SSBP2: variants seen among roughly 807,000 people sequenced by gnomAD.
The protein encoded by SSBP2 is single-stranded DNA-binding protein 2.
In SSBP2, 17 loss-of-function variants were observed where a neutral mutation model predicts 61.8. The observed-to-expected ratio is 0.28, with a 90% CI of 0.19 to 0.41. The LOEUF is 0.41. Ranked by LOEUF, SSBP2 falls within the 10% of genes least tolerant of loss-of-function variation. The pLI, the probability that SSBP2 is intolerant of heterozygous loss-of-function variation, is 1.00. For synonymous variants in SSBP2, 139 were observed against 141.3 expected, an observed-to-expected ratio of 0.98 and a Z score of 0.12; for missense variants, 310 against 458.7, an observed-to-expected ratio of 0.68 and a Z score of 2.96.
At chr5:81,471,361 TCTAATA>T (rs1353450085) in intron 8 of SSBP2, among the ~76,000 whole-genome samples, 1 of 151,756 alleles carries the variant, frequency 6.6e-6, no homozygotes, top group Non-Finnish European at 1.5e-5. Flanking sequence ...AGTATTAAAA[TCTAATA>T]CTAATAACAG....
intron 1 of SSBP2, among the ~76,000 whole-genome samples, chr5:81,718,187 G>A (rs762240060): frequency 3.9e-5 from 6 of 152,076 alleles, no homozygotes; most frequent in East Asian, 1.9e-4. Context: ...CACATTATGC[G>A]CAGGGAAATG....
intron 5 of SSBP2, among the ~76,000 whole-genome samples, chr5:81,496,092 A>T (rs1037789007): frequency 6.6e-6 from 1 of 152,202 alleles, no homozygotes; most frequent in Admixed American, 6.5e-5. Context: ...ATTATACAGG[A>T]CTTATGTAAT....
chr5:81,709,097 G>A (rs1030973003), intron 1 of SSBP2, among the ~76,000 whole-genome samples: 4 of 152,018 alleles, frequency 2.6e-5, no homozygotes, highest in African/African-American at 9.6e-5. Context: ...ATCATCCTTT[G>A]TTTACTTATG....
chr5:81,688,124 G>A (rs980979504), intron 1 of SSBP2, among the ~76,000 whole-genome samples: 1 of 152,090 alleles, frequency 6.6e-6, no homozygotes, highest in Non-Finnish European at 1.5e-5. Context: ...GTCCTGAAGG[G>A]AGCAGTAGCC....
At chr5:81,648,614 T>A (rs1163602951) in intron 2 of SSBP2, among the ~76,000 whole-genome samples, 2 of 152,052 alleles carry the variant, frequency 1.3e-5, no homozygotes, top group African/African-American at 2.4e-5. Context: ...TCACCAGAGA[T>A]AATACGATTT....
intron 1 of SSBP2, among the ~76,000 whole-genome samples, chr5:81,743,350 T>G (rs935808459): frequency 1.3e-5 from 2 of 152,212 alleles, no homozygotes; most frequent in African/African-American, 4.8e-5. Context: ...AGTTCTCCGT[T>G]GAAATGTCCT....
intron 4 of SSBP2, among the ~76,000 whole-genome samples, chr5:81,529,330 G>T (rs1365526792): frequency 6.6e-6 from 1 of 152,110 alleles, no homozygotes; most frequent in African/African-American, 2.4e-5. Flanking sequence ...ATCATAAGTT[G>T]TAGTACATTT....
intron 15 of SSBP2, among the ~76,000 whole-genome samples, chr5:81,432,079 T>C (rs921535940): frequency 2.0e-5 from 3 of 152,254 alleles, no homozygotes; most frequent in African/African-American, 4.8e-5. Context: ...GGATTTTGAA[T>C]TGCTTTCTCA....
At chr5:81,523,850 G>A (rs72773025) in intron 4 of SSBP2, among the ~76,000 whole-genome samples, 10,775 of 151,968 alleles carry the variant, frequency 0.071, 398 homozygotes, top group Middle Eastern at 0.092. Context: ...AGAGCATTTC[G>A]AAATACCATA....
At chr5:81,669,605 G>T (rs552367077) in intron 1 of SSBP2, among the ~76,000 whole-genome samples, 1 of 152,202 alleles carries the variant, frequency 6.6e-6, no homozygotes, top group Non-Finnish European at 1.5e-5. Context: ...TGAACATTGA[G>T]AACACATGGA....
chr5:81,684,707 A>G (rs1344526720), intron 1 of SSBP2, among the ~76,000 whole-genome samples: 1 of 152,152 alleles, frequency 6.6e-6, no homozygotes, highest in South Asian at 2.1e-4. Context: ...CCCCGACTGC[A>G]TCTTGGAGTA....
chr5:81,541,307 A>G (rs1771250725), intron 4 of SSBP2, among the ~76,000 whole-genome samples: 1 of 152,220 alleles, frequency 6.6e-6, no homozygotes, highest in Non-Finnish European at 1.5e-5. Context: ...ATGCTCACAG[A>G]TTGGAAGAAT....
intron 15 of SSBP2, among the ~76,000 whole-genome samples, chr5:81,434,499 C>T (rs1376832543): frequency 1.3e-5 from 2 of 151,818 alleles, no homozygotes; most frequent in Non-Finnish European, 2.9e-5. Context: ...TCTACAGGCA[C>T]ATGCCTGTAA....
intron 1 of SSBP2, among the ~76,000 whole-genome samples, chr5:81,728,129 A>G (rs753081927): frequency 1.3e-5 from 2 of 152,168 alleles, no homozygotes; most frequent in Non-Finnish European, 2.9e-5. Flanking sequence ...GCGTCCTGTG[A>G]ACCACCGTTA....
intron 6 of SSBP2, among the ~76,000 whole-genome samples, chr5:81,477,791 T>A (rs977372109): frequency 3.3e-4 from 51 of 152,326 alleles, no homozygotes; most frequent in African/African-American, 1.1e-3. Flanking sequence ...CTGTGCCTAC[T>A]GTCACAGAAT....
At chr5:81,554,995 C>T (rs1218042668) in intron 4 of SSBP2, among the ~76,000 whole-genome samples, 7 of 152,060 alleles carry the variant, frequency 4.6e-5, no homozygotes, top group Admixed American at 4.6e-4. Flanking sequence ...GCAGATGTTG[C>T]AGTAGAATAC....
At chr5:81,570,149 C>T (rs1773729595) in intron 4 of SSBP2, among the ~76,000 whole-genome samples, 1 of 152,098 alleles carries the variant, frequency 6.6e-6, no homozygotes, top group African/African-American at 2.4e-5. Flanking sequence ...TACAGTTTTA[C>T]TCAAGAACTG....
At chr5:81,671,950 T>G (rs111891309) in intron 1 of SSBP2, among the ~76,000 whole-genome samples, 3 of 152,194 alleles carry the variant, frequency 2.0e-5, no homozygotes, top group Non-Finnish European at 4.4e-5. Context: ...TTATCTACAC[T>G]ATATGTGACA....
At chr5:81,746,050 C>T (rs6877501) in intron 1 of SSBP2, among the ~76,000 whole-genome samples, 100,221 of 151,828 alleles carry the variant, frequency 0.66, 33,249 homozygotes, top group Middle Eastern at 0.74. Flanking sequence ...GCTTTGAAAG[C>T]GTGAAACTGA....
Sources: allele counts gnomAD v4.1 joint callset (sites outside exome capture counted in the v4.1 genomes callset), GRCh38; gene constraint gnomAD v4.1.1; transcripts MANE v1.5; gene names NCBI Gene and HGNC (gene_info 2026-07-23, HGNC 2026-07-21).